The following DNM3 variants were observed in gnomAD, a reference collection of about 807,000 sequenced individuals.
DNM3 encodes dynamin 3, also known as dynamin-3.
In DNM3, 47 loss-of-function variants were observed where a neutral mutation model predicts 101.6. That is an observed-to-expected ratio of 0.46 (90% confidence interval 0.37 to 0.59). DNM3 has a LOEUF of 0.59. Ranked by LOEUF, DNM3 falls within the 20% of genes least tolerant of loss-of-function variation. The pLI, the probability that DNM3 is intolerant of heterozygous loss-of-function variation, is 0.00. For synonymous variants in DNM3, 385 were observed against 387.9 expected (o/e 0.99, Z 0.09); for missense variants, 849 against 1,085.7 (o/e 0.78, Z 3.06).
intron 14 of DNM3, among the ~76,000 whole-genome samples, chr1:172,209,032 A>G (rs1351147940): frequency 6.6e-6 from 1 of 152,024 alleles, no homozygotes; most frequent in African/African-American, 2.4e-5. Context: ...CCCACCCCCA[A>G]ATTCATATGG....
At chr1:172,306,443 G>A (rs2064820011) in intron 15 of DNM3, among the ~76,000 whole-genome samples, 1 of 152,058 alleles carries the variant, frequency 6.6e-6, no homozygotes, top group South Asian at 2.1e-4. Context: ...TTTGAAAATG[G>A]CCATACTGCC....
intron 17 of DNM3, 52 bp from the exon 18 acceptor site, chr1:172,378,966 T>A (rs959878184): frequency 6.4e-7 from 1 of 1,559,496 alleles, no homozygotes; most frequent in Non-Finnish European, 8.7e-7. Context: ...GACATTTTAT[T>A]TTCTTCTGAG....
chr1:172,040,637 G>C (rs942610491), intron 7 of DNM3, among the ~76,000 whole-genome samples: 125 of 152,082 alleles, frequency 8.2e-4, no homozygotes, highest in African/African-American at 2.9e-3. Context: ...GTGACTAATA[G>C]ACATGGCAAT....
At chr1:172,154,078 A>G (rs1443815393) in intron 14 of DNM3, among the ~76,000 whole-genome samples, 2 of 152,004 alleles carry the variant, frequency 1.3e-5, no homozygotes, top group African/African-American at 2.4e-5. Flanking sequence ...TTATTCTGAC[A>G]TTTATATCTT....
chr1:172,171,751 A>T (rs2058969604), intron 14 of DNM3, among the ~76,000 whole-genome samples: 1 of 151,756 alleles, frequency 6.6e-6, no homozygotes, highest in Non-Finnish European at 1.5e-5. Context: ...TGTAAAATTG[A>T]CTTAACCAAT....
At chr1:172,116,143 C>T (rs141615742) in intron 13 of DNM3, among the ~76,000 whole-genome samples, 104 of 152,254 alleles carry the variant, frequency 6.8e-4, no homozygotes, top group Middle Eastern at 3.4e-3. Context: ...AATATCAGTT[C>T]TTTCTTGTTG....
At chr1:171,915,441 A>G (rs7520188) in intron 1 of DNM3, among the ~76,000 whole-genome samples, 51,911 of 151,924 alleles carry the variant, frequency 0.34, 9,204 homozygotes, top group East Asian at 0.5. Flanking sequence ...TAGACAAGAG[A>G]GGGTGAATTT....
At chr1:172,264,351 G>A (rs2062780178) in intron 15 of DNM3, among the ~76,000 whole-genome samples, 2 of 152,052 alleles carry the variant, frequency 1.3e-5, no homozygotes, top group African/African-American at 4.8e-5. Context: ...TCTGTGTTGT[G>A]GTAAAATCAT....
At chr1:172,355,604 G>A (rs1351476470) in intron 17 of DNM3, among the ~76,000 whole-genome samples, 4 of 152,084 alleles carry the variant, frequency 2.6e-5, no homozygotes, top group Non-Finnish European at 5.9e-5. Flanking sequence ...ACCATTGGTA[G>A]TCAATTTTAA....
chr1:172,011,119 A>C (rs1484699061), intron 4 of DNM3, among the ~76,000 whole-genome samples: 3 of 151,908 alleles, frequency 2.0e-5, no homozygotes, highest in Non-Finnish European at 4.4e-5. Flanking sequence ...CATTTATTAA[A>C]GAATAGGTCC....
chr1:171,986,636 T>C (rs1431301703), intron 2 of DNM3, among the ~76,000 whole-genome samples: 1 of 151,110 alleles, frequency 6.6e-6, no homozygotes, highest in South Asian at 2.1e-4. Context: ...CATCTGGCTT[T>C]TTTTTTTTTT....
intron 10 of DNM3, among the ~76,000 whole-genome samples, chr1:172,049,952 A>C (rs2050090797): frequency 6.6e-6 from 1 of 152,098 alleles, no homozygotes; most frequent in Non-Finnish European, 1.5e-5. Context: ...CTAGCTTAGG[A>C]CCCAGAGGTG....
chr1:172,089,274 C>A (rs528269028), intron 12 of DNM3, among the ~76,000 whole-genome samples: 1 of 151,936 alleles, frequency 6.6e-6, no homozygotes, highest in Non-Finnish European at 1.5e-5. Context: ...AGAACTATAC[C>A]TTATTCATAT....
chr1:172,208,590 T>C (rs573056948), intron 14 of DNM3, among the ~76,000 whole-genome samples: 108 of 152,100 alleles, frequency 7.1e-4, no homozygotes, highest in Non-Finnish European at 1.3e-3. Context: ...GTGCAGATTT[T>C]GGACTTCCCA....
chr1:172,085,496 A>G (rs536453899), intron 12 of DNM3, among the ~76,000 whole-genome samples: 1 of 152,138 alleles, frequency 6.6e-6, no homozygotes, highest in Admixed American at 6.6e-5. Flanking sequence ...TATGCAGTCC[A>G]ATGGTTAAAG....
At chr1:171,975,272 G>A (rs748337460) in intron 2 of DNM3, among the ~76,000 whole-genome samples, 1 of 151,974 alleles carries the variant, frequency 6.6e-6, no homozygotes, top group Non-Finnish European at 1.5e-5. Flanking sequence ...GAATTGGCTC[G>A]GCATTTTAGT....
At chr1:172,179,615 G>A (rs191607704) in intron 14 of DNM3, among the ~76,000 whole-genome samples, 1 of 151,748 alleles carries the variant, frequency 6.6e-6, no homozygotes, top group East Asian at 2.0e-4. Context: ...ATAAATATGT[G>A]TGTATATTTT....
chr1:172,180,214 A>G (rs2059296511), intron 14 of DNM3, among the ~76,000 whole-genome samples: 2 of 152,086 alleles, frequency 1.3e-5, no homozygotes, highest in Non-Finnish European at 2.9e-5. Context: ...GATACTATGT[A>G]TTTCGGTTTT....
At chr1:172,378,465 C>G (rs1048407179) in intron 17 of DNM3, among the ~76,000 whole-genome samples, 1 of 152,066 alleles carries the variant, frequency 6.6e-6, no homozygotes, top group Non-Finnish European at 1.5e-5. Flanking sequence ...GTAACAAATT[C>G]CAGCAAGTGC....
Sources: gnomAD v4.1 joint callset for allele counts (sites outside exome capture counted in the v4.1 genomes callset) on GRCh38, gnomAD v4.1.1 for gene constraint, MANE v1.5 for transcripts, NCBI Gene and HGNC (gene_info 2026-07-23, HGNC 2026-07-21) for gene names.